Variants in TMLHE observed in about 807,000 individuals in gnomAD.
The protein encoded by TMLHE is trimethyllysine hydroxylase, epsilon.
Under a neutral mutation model 25.7 loss-of-function variants are expected in TMLHE, and 18 were observed. The observed-to-expected ratio is 0.70, with a 90% CI of 0.48 to 1.04. The LOEUF is 1.04. Ranked by LOEUF, TMLHE falls within the 50% of genes least tolerant of loss-of-function variation. The pLI is 0.00. For synonymous variants in TMLHE, 105 were observed against 97.0 expected (o/e 1.08, Z -0.49); for missense variants, 236 against 259.0 (o/e 0.91, Z 0.61).
chrX:155,612,101 G>A (rs1439566517), intron 1 of TMLHE: 1 of 111,965 alleles, frequency 8.9e-6, no homozygotes, highest in Non-Finnish European at 1.9e-5. Context: ...ACGTTTAATA[G>A]TATGGCATTC....
At chrX:155,536,046 A>G (rs1353316926) in intron 2 of TMLHE, among the ~76,000 whole-genome samples, 1 of 111,743 alleles carries the variant, frequency 8.9e-6, no homozygotes, top group Non-Finnish European at 1.9e-5. Flanking sequence ...TTCATATTCA[A>G]TACTCATGAC....
At chrX:155,547,964 C>T (rs782032925) in intron 1 of TMLHE, among the ~76,000 whole-genome samples, 5 of 111,154 alleles carry the variant, frequency 4.5e-5, no homozygotes, top group South Asian at 7.6e-4. Flanking sequence ...AGTCTCTCCT[C>T]CCCCATTTCC....
chrX:155,558,016 T>C (rs2067470104), intron 1 of TMLHE, among the ~76,000 whole-genome samples: 1 of 111,660 alleles, frequency 9.0e-6, no homozygotes, highest in Non-Finnish European at 1.9e-5. Context: ...TTGCACATGG[T>C]AGGAAGAGTT....
intron 1 of TMLHE, among the ~76,000 whole-genome samples, chrX:155,577,605 A>T (rs894349595): frequency 1.8e-5 from 2 of 110,846 alleles, no homozygotes; most frequent in Non-Finnish European, 1.9e-5. Flanking sequence ...AGAAAAATGT[A>T]AATTAAAACC....
intron 1 of TMLHE, among the ~76,000 whole-genome samples, chrX:155,606,897 T>C (rs182493994): frequency 1.9e-4 from 21 of 107,858 alleles, no homozygotes; most frequent in Admixed American, 5.9e-4. Flanking sequence ...TGGAGACATA[T>C]AACCTCCTAA....
chrX:155,564,255 C>T (rs2067505375), intron 1 of TMLHE, among the ~76,000 whole-genome samples: 1 of 61,677 alleles, frequency 1.6e-5, no homozygotes, highest in African/African-American at 3.6e-5. Context: ...ATTGTAATGC[C>T]AACAACTGTA....
chrX:155,559,129 C>T (rs2067477870), intron 1 of TMLHE, among the ~76,000 whole-genome samples: 1 of 111,469 alleles, frequency 9.0e-6, no homozygotes, highest in African/African-American at 3.3e-5. Flanking sequence ...TTAATGCCTT[C>T]GATTACTGAG....
At chrX:155,568,578 C>G (rs1424542673) in intron 1 of TMLHE, among the ~76,000 whole-genome samples, 2 of 62,503 alleles carry the variant, frequency 3.2e-5, no homozygotes, top group African/African-American at 7.1e-5. Flanking sequence ...AACTGGGAGG[C>G]ACCCCCCAGT....
intron 1 of TMLHE, among the ~76,000 whole-genome samples, chrX:155,599,749 G>C (rs1185767932): frequency 9.0e-6 from 1 of 111,204 alleles, no homozygotes; most frequent in African/African-American, 3.3e-5. Flanking sequence ...TTATCTAGTA[G>C]AGTTGAGGAT....
intron 1 of TMLHE, among the ~76,000 whole-genome samples, chrX:155,584,466 T>G (rs1557345039): frequency 9.0e-6 from 1 of 110,780 alleles, no homozygotes; most frequent in Non-Finnish European, 1.9e-5. Flanking sequence ...AGGTGAAAAA[T>G]TCCCAAGTCT....
intron 1 of TMLHE, among the ~76,000 whole-genome samples, chrX:155,597,300 C>T: frequency 9.1e-6 from 1 of 110,470 alleles, no homozygotes; most frequent in Admixed American, 9.6e-5. Flanking sequence ...AATGAGATAC[C>T]ATCTCACACT....
At chrX:155,611,381 C>T (rs1252124678) in intron 1 of TMLHE, 1 of 111,450 alleles carries the variant, frequency 9.0e-6, no homozygotes. Context: ...ATCCTGGGGT[C>T]CCCCTCCCAG....
chrX:155,552,150 C>T (rs937112186), intron 1 of TMLHE, among the ~76,000 whole-genome samples: 5 of 109,574 alleles, frequency 4.6e-5, no homozygotes, highest in Admixed American at 3.9e-4. Context: ...ATAGTTTGTT[C>T]GAAATTTTGC....
At chrX:155,601,022 G>T (rs782276957) in intron 1 of TMLHE, among the ~76,000 whole-genome samples, 69 of 112,073 alleles carry the variant, frequency 6.2e-4, no homozygotes, top group Non-Finnish European at 1.2e-3. Context: ...CACACCCTGT[G>T]GGGGAGGCCA....
intron 1 of TMLHE, among the ~76,000 whole-genome samples, chrX:155,587,224 T>C (rs1367318693): frequency 8.9e-6 from 1 of 112,098 alleles, no homozygotes; most frequent in Admixed American, 9.5e-5. Context: ...TGTAAACCAA[T>C]ATATGTGCTA....
intron 1 of TMLHE, among the ~76,000 whole-genome samples, chrX:155,610,753 A>T (rs2067814356): frequency 9.0e-6 from 1 of 111,485 alleles, no homozygotes; most frequent in Non-Finnish European, 1.9e-5. Flanking sequence ...TGGATTTTTT[A>T]AAATATTCAG....
intron 1 of TMLHE, among the ~76,000 whole-genome samples, chrX:155,610,390 TG>T (rs1557348203): frequency 8.9e-6 from 1 of 112,221 alleles, no homozygotes; most frequent in African/African-American, 3.2e-5. Flanking sequence ...GTGATGCAAA[TG>T]TTTTAAAATT....
At chrX:155,597,097 C>T (rs1557346626) in intron 1 of TMLHE, among the ~76,000 whole-genome samples, 2 of 90,936 alleles carry the variant, frequency 2.2e-5, no homozygotes, top group Non-Finnish European at 4.2e-5. Context: ...TCTCATTGTT[C>T]AATTCCCACC....
chrX:155,545,158 T>G lies in TMLHE; in HGVS notation c.119A>C (p.His40Pro), dbSNP rs1431732086. 8.3e-7 allele frequency: 1 copy of G among 1,208,558 alleles called. No homozygotes were observed. The highest frequency in any genetic ancestry group is 1.1e-6 in the Non-Finnish European group (1 of 894,311). Reference sequence around the variant, plus strand: ...AGACTTGGAGGCTGTATGGTGCCAATGGACAGCTAAAGGAAGTAAGCTTTT... The same window carrying G: ...AGACTTGGAGGCTGTATGGTGCCAAGGGACAGCTAAAGGAAGTAAGCTTTT... ...NFKSLLPLAV[H>P]WHHTASKSLT... The change falls in exon 2 of 8, where the codon CAT becomes CCT. Residue 40 changes from histidine (H) to proline (P), a missense_variant. His to Pro is a moderately conservative substitution (Grantham distance 77). Transcript: ENST00000334398.
Sources: allele counts gnomAD v4.1 joint callset (sites outside exome capture counted in the v4.1 genomes callset), GRCh38; gene constraint gnomAD v4.1.1; transcripts MANE v1.5; gene names NCBI Gene and HGNC (gene_info 2026-07-23, HGNC 2026-07-21).